Variants in TNRC6A observed in about 807,000 individuals in gnomAD.
TNRC6A encodes trinucleotide repeat containing adaptor 6A, also known as trinucleotide repeat-containing gene 6A protein.
A neutral mutation model predicts 221.2 loss-of-function variants in TNRC6A; 44 were observed. The ratio of observed to expected loss-of-function variants is 0.20; its 90% CI spans 0.16 to 0.26. TNRC6A has a LOEUF of 0.26. Ranked by LOEUF, TNRC6A falls within the 10% of genes least tolerant of loss-of-function variation. TNRC6A has a pLI of 1.00. For missense variants in TNRC6A, 2,199 were observed against 2,404.4 expected (o/e 0.91, Z 1.79); for synonymous variants, 847 against 838.5 (o/e 1.01, Z -0.18).
intron 22 of TNRC6A, among the ~76,000 whole-genome samples, chr16:24,821,541 G>C (rs188273302): frequency 9.9e-5 from 15 of 152,272 alleles, no homozygotes; most frequent in Non-Finnish European, 2.1e-4. Context: ...GAGGTGCCTT[G>C]AGTTGCAGAT....
chr16:24,670,097 A>C (rs180997392), intron 2 of TNRC6A, among the ~76,000 whole-genome samples: 105 of 151,454 alleles, frequency 6.9e-4, no homozygotes, highest in Admixed American at 1.6e-3. Context: ...CTACAGGTGC[A>C]TGCCACCATG....
At chr16:24,622,554 A>C (rs1050365748) in intron 1 of TNRC6A, among the ~76,000 whole-genome samples, 1 of 152,174 alleles carries the variant, frequency 6.6e-6, no homozygotes, top group African/African-American at 2.4e-5. Context: ...AGATCGCACT[A>C]CTGCACTCCA....
intron 2 of TNRC6A, among the ~76,000 whole-genome samples, chr16:24,724,465 G>A (rs573424736): frequency 6.6e-6 from 1 of 152,264 alleles, no homozygotes; most frequent in Admixed American, 6.5e-5. Context: ...AATACACTTG[G>A]CTGTGCGTGG....
intron 2 of TNRC6A, among the ~76,000 whole-genome samples, chr16:24,651,561 A>C (rs1326827746): frequency 6.7e-6 from 1 of 148,424 alleles, no homozygotes; most frequent in African/African-American, 2.5e-5. Flanking sequence ...AAAAAAAAAA[A>C]AAACATAAAA....
At chr16:24,820,476 G>T in intron 22 of TNRC6A, 116 bp downstream of exon 22, 1 of 901,406 alleles carries the variant, frequency 1.1e-6, no homozygotes, top group South Asian at 1.6e-5. Flanking sequence ...CTCCATCAGG[G>T]GGAATGAGAA....
intron 2 of TNRC6A, among the ~76,000 whole-genome samples, chr16:24,697,812 C>T (rs761663021): frequency 7.2e-5 from 11 of 152,064 alleles, no homozygotes; most frequent in Non-Finnish European, 1.5e-4. Flanking sequence ...GAGGCCAAGG[C>T]GGGTGGATCA....
At chr16:24,736,573 A>C (rs768595438) in intron 2 of TNRC6A, among the ~76,000 whole-genome samples, 1 of 152,186 alleles carries the variant, frequency 6.6e-6, no homozygotes, top group African/African-American at 2.4e-5. Context: ...GAAATAGTCC[A>C]GTCTAGTTGT....
chr16:24,681,008 A>G (rs1042480094), intron 2 of TNRC6A, among the ~76,000 whole-genome samples: 5 of 152,106 alleles, frequency 3.3e-5, no homozygotes, highest in Admixed American at 1.3e-4. Flanking sequence ...GGCTCAAACA[A>G]TCTTCCTGCC....
intron 1 of TNRC6A, among the ~76,000 whole-genome samples, chr16:24,628,796 G>T (rs7197196): frequency 0.44 from 66,192 of 151,632 alleles, 14,994 homozygotes; most frequent in Middle Eastern, 0.56. Context: ...TTTCAATGTC[G>T]GTGCCCCTAA....
chr16:24,705,193 AC>A (rs1239746744), intron 2 of TNRC6A, among the ~76,000 whole-genome samples: 2 of 152,174 alleles, frequency 1.3e-5, no homozygotes, highest in East Asian at 3.8e-4. Context: ...AGAGGCAGCA[AC>A]CAAGGCACAG....
chr16:24,789,473 T>A lies in TNRC6A; in HGVS notation c.831T>A (p.Gly277=). The A allele has an allele frequency of 6.2e-7, 1 of 1,614,022 alleles. No homozygotes were observed. The highest frequency in any genetic ancestry group is 1.1e-5 in the South Asian group (1 of 91,070). Residue 277 remains glycine (G), a synonymous_variant, in exon 6 of 25, where the codon GGT becomes GGA. Coordinates refer to ENST00000395799, the MANE Select transcript of TNRC6A (RefSeq NM_014494.4). ...NITIMASGNT[G]GEKDGLRNST... is the part of the protein sequence containing the mutation. ...CTATCATGGCTTCAGGGAACACAGGTGGTGAAAAAGATGGCCTTCGGAATA... is the reference window on the plus strand; with the variant it reads ...CTATCATGGCTTCAGGGAACACAGGAGGTGAAAAAGATGGCCTTCGGAATA...
intron 5 of TNRC6A, among the ~76,000 whole-genome samples, chr16:24,788,908 A>G (rs1412643542): frequency 2.0e-5 from 3 of 152,178 alleles, no homozygotes; most frequent in Admixed American, 6.5e-5. Flanking sequence ...TCGGCCTTCC[A>G]GAGTGCTGGG....
chr16:24,641,396 G>A (rs1016638190), intron 2 of TNRC6A, among the ~76,000 whole-genome samples: 1 of 152,114 alleles, frequency 6.6e-6, no homozygotes, highest in Non-Finnish European at 1.5e-5. Context: ...GAAGGGACAC[G>A]GGGAGACCAG....
At chr16:24,777,960 A>G (rs1658850492) in intron 5 of TNRC6A, among the ~76,000 whole-genome samples, 1 of 152,206 alleles carries the variant, frequency 6.6e-6, no homozygotes, top group Admixed American at 6.5e-5. Flanking sequence ...GTTTGTTTCA[A>G]CATGTTCTGG....
At chr16:24,636,895 T>A (rs1901662601) in intron 1 of TNRC6A, among the ~76,000 whole-genome samples, 1 of 152,224 alleles carries the variant, frequency 6.6e-6, no homozygotes, top group Non-Finnish European at 1.5e-5. Context: ...AAGTTATTTG[T>A]AAGCATTTTA....
At chr16:24,624,768 G>A (rs1038812995) in intron 1 of TNRC6A, among the ~76,000 whole-genome samples, 6 of 152,206 alleles carry the variant, frequency 3.9e-5, no homozygotes, top group Non-Finnish European at 8.8e-5. Flanking sequence ...ACAGGCATGA[G>A]CCACTGCACT....
upstream of TNRC6A, among the ~76,000 whole-genome samples, chr16:24,727,557 G>T (rs1193692640): frequency 6.6e-6 from 1 of 152,080 alleles, no homozygotes; most frequent in Non-Finnish European, 1.5e-5. Flanking sequence ...GGGTAGGGAT[G>T]GGGGCAACAT....
At position 24,824,983 on chromosome 16, in the gene TNRC6A, GTAA is replaced by G. The variant is rs1352763474; in HGVS notation, c.*1181_*1183del. 2.6e-5 allele frequency: 4 copies of G among 152,546 alleles called. No homozygotes were observed. The highest frequency in any genetic ancestry group is 4.8e-5 in the African/African-American group (2 of 41,420). The allele number at this position is 152,546 out of a possible 1,614,324, so 9.4% of individuals were successfully genotyped here. On this transcript the variant is annotated 3_prime_UTR_variant, in exon 25 of 25. Coordinates refer to ENST00000395799, the MANE Select transcript of TNRC6A (RefSeq NM_014494.4). ...ATGATGGTTTGCTAATAATCAATAG[GTAA>G]TAATTTTTTGTAATCCCATCAAGTG... is the stretch of plus-strand genomic sequence containing the variant.
intron 5 of TNRC6A, among the ~76,000 whole-genome samples, chr16:24,782,431 C>T (rs1407536662): frequency 6.6e-6 from 1 of 152,208 alleles, no homozygotes; most frequent in African/African-American, 2.4e-5. Flanking sequence ...GTCTGGGCTG[C>T]TTTCAAGCTA....
Sources: gnomAD v4.1 joint callset for allele counts (sites outside exome capture counted in the v4.1 genomes callset) on GRCh38, gnomAD v4.1.1 for gene constraint, MANE v1.5 for transcripts, NCBI Gene and HGNC (gene_info 2026-07-23, HGNC 2026-07-21) for gene names.